Variants in EXOC6B observed in about 807,000 individuals in gnomAD.
EXOC6B encodes the protein SEC15 homolog B.
A neutral mutation model predicts 113.5 loss-of-function variants in EXOC6B; 54 were observed. The ratio of observed to expected loss-of-function variants is 0.48; its 90% CI spans 0.38 to 0.60. The LOEUF (loss-of-function observed/expected upper bound fraction) is 0.60, where lower values mean the gene tolerates loss of function less well. Among genes scored for constraint, EXOC6B ranks in the 20% least tolerant of loss-of-function variants. The probability of loss-of-function intolerance (pLI) is 0.00; values close to 1 mark genes in which losing one functional copy is unlikely to be tolerated. For synonymous variants in EXOC6B, 357 were observed against 339.0 expected, an observed-to-expected ratio of 1.05 and a Z score of -0.58; for missense variants, 797 against 977.5, an observed-to-expected ratio of 0.82 and a Z score of 2.46.
At chr2:72,215,977 G>C (rs1037928785) in intron 20 of EXOC6B, among the ~76,000 whole-genome samples, 1 of 151,934 alleles carries the variant, frequency 6.6e-6, no homozygotes, top group Non-Finnish European at 1.5e-5. Flanking sequence ...GTGGTGAATG[G>C]AATAAAAAAC....
intron 6 of EXOC6B, among the ~76,000 whole-genome samples, chr2:72,699,450 C>T (rs1245721657): frequency 6.6e-6 from 1 of 150,948 alleles, no homozygotes; most frequent in Non-Finnish European, 1.5e-5. Context: ...TGCATCCCAG[C>T]CTGGGCGACA....
At chr2:72,186,538 T>TAAA (rs35998544) in intron 20 of EXOC6B, among the ~76,000 whole-genome samples, 8 of 149,256 alleles carry the variant, frequency 5.4e-5, no homozygotes, top group African/African-American at 2.0e-4. Context: ...TTTTCACAAA[T>TAAA]AAAAAAAAAA....
At chr2:72,419,914 G>A (rs1296134585) in intron 18 of EXOC6B, among the ~76,000 whole-genome samples, 1 of 151,870 alleles carries the variant, frequency 6.6e-6, no homozygotes, top group African/African-American at 2.4e-5. Flanking sequence ...TTCCTTCTGG[G>A]GTACAACAAT....
chr2:72,772,859 C>T (rs1323224366), intron 1 of EXOC6B, among the ~76,000 whole-genome samples: 2 of 151,984 alleles, frequency 1.3e-5, no homozygotes, highest in African/African-American at 4.8e-5. Flanking sequence ...CAAACCAAAG[C>T]CAGAAGGATC....
chr2:72,478,984 T>TTA (rs1363559811), intron 17 of EXOC6B, among the ~76,000 whole-genome samples: 2 of 152,202 alleles, frequency 1.3e-5, no homozygotes, highest in African/African-American at 4.8e-5. Flanking sequence ...TTGAGAGTAA[T>TTA]TATAATTCCT....
intron 8 of EXOC6B, among the ~76,000 whole-genome samples, chr2:72,549,800 G>A (rs972752493): frequency 4.6e-5 from 7 of 152,110 alleles, no homozygotes; most frequent in African/African-American, 1.7e-4. Flanking sequence ...AAAACCCTGG[G>A]AACAATGAAG....
chr2:72,730,044 A>C (rs779749886), intron 5 of EXOC6B, among the ~76,000 whole-genome samples: 21 of 152,272 alleles, frequency 1.4e-4, no homozygotes, highest in Middle Eastern at 3.4e-3. Flanking sequence ...TCCCCATCAT[A>C]CTACAGGGCA....
chr2:72,216,631 G>A (rs950931390), intron 20 of EXOC6B, among the ~76,000 whole-genome samples: 11 of 152,076 alleles, frequency 7.2e-5, no homozygotes, highest in African/African-American at 2.7e-4. Context: ...TATTCCAATA[G>A]CAAAGACATG....
intron 20 of EXOC6B, among the ~76,000 whole-genome samples, chr2:72,249,218 A>C (rs1223542967): frequency 6.6e-6 from 1 of 152,226 alleles, no homozygotes; most frequent in African/African-American, 2.4e-5. Flanking sequence ...GTGAGCTAGG[A>C]TCATACCACT....
At chr2:72,614,375 G>A (rs1355488469) in intron 6 of EXOC6B, among the ~76,000 whole-genome samples, 1 of 152,130 alleles carries the variant, frequency 6.6e-6, no homozygotes, top group Non-Finnish European at 1.5e-5. Context: ...ATAAAGAGGG[G>A]AATTTCCTTA....
chr2:72,626,543 C>A (rs1279838858), intron 6 of EXOC6B, among the ~76,000 whole-genome samples: 1 of 152,112 alleles, frequency 6.6e-6, no homozygotes, highest in Non-Finnish European at 1.5e-5. Context: ...TCAACAGTAG[C>A]CGCTCCCTTT....
At chr2:72,254,159 C>G (rs1254972391) in intron 20 of EXOC6B, among the ~76,000 whole-genome samples, 1 of 143,124 alleles carries the variant, frequency 7.0e-6, no homozygotes. Flanking sequence ...GACTCTGTCT[C>G]AAAAAAAAAA....
chr2:72,384,765 C>T (rs921546818), intron 18 of EXOC6B, among the ~76,000 whole-genome samples: 1 of 151,608 alleles, frequency 6.6e-6, no homozygotes, highest in Non-Finnish European at 1.5e-5. Flanking sequence ...ATGTCACTTA[C>T]AACAACTATT....
chr2:72,316,807 G>A (rs1267056892), intron 20 of EXOC6B, among the ~76,000 whole-genome samples: 1 of 152,186 alleles, frequency 6.6e-6, no homozygotes, highest in African/African-American at 2.4e-5. Flanking sequence ...CATACAAAAT[G>A]TCAGGGACCC....
Position 72,570,834 on chromosome 2 carries a change from T to C in EXOC6B, c.846+4658A>G, listed in dbSNP as rs114409341. 5.9e-3 allele frequency among the ~76,000 whole-genome samples: 901 copies of C among 152,296 alleles called. 5 individuals carry two copies. The highest frequency in any genetic ancestry group is 9.5e-3 in the Non-Finnish European group (648 of 68,018). On this transcript the variant is annotated intron_variant, in intron 7 of 21. Transcript: ENST00000272427. ...GATGATGTTCATCAGTCCATGCAAA[T>C]ATACATTGTCAAAAATTAGATCAAC...
At chr2:72,182,830 A>G (rs944079530) in intron 21 of EXOC6B, 2 of 1,116,846 alleles carry the variant, frequency 1.8e-6, no homozygotes, top group African/African-American at 3.2e-5. Flanking sequence ...ATTAGTGTCA[A>G]TGAGGAAACC....
rs62148066 is a variant in EXOC6B, at chr2:72,718,727, G to A, written c.465-420C>T. 3.1e-3 allele frequency among the ~76,000 whole-genome samples: 469 copies of A among 152,184 alleles called. 2 individuals carry two copies. Among genetic ancestry groups the A allele is most frequent in the Non-Finnish European group, 5.2e-3 (355 of 68,006 alleles). ...ACAAAAATTAGCCAGGCCTGGTGGC[G>A]CAAGCCACCTCAGAAAGCTGAGGCA... On this transcript the variant is annotated intron_variant, in intron 5 of 21. Coordinates refer to ENST00000272427, the MANE Select transcript of EXOC6B (RefSeq NM_015189.3).
intron 2 of EXOC6B, among the ~76,000 whole-genome samples, chr2:72,736,001 T>A (rs890182199): frequency 6.6e-6 from 1 of 151,792 alleles, no homozygotes; most frequent in African/African-American, 2.4e-5. Context: ...CTGGCCAACA[T>A]GGTGAAACCC....
At chr2:72,223,357 T>C (rs1428868314) in intron 20 of EXOC6B, among the ~76,000 whole-genome samples, 2 of 152,218 alleles carry the variant, frequency 1.3e-5, no homozygotes, top group Non-Finnish European at 2.9e-5. Flanking sequence ...GATAAAAATC[T>C]GAGTTATCCC....
Sources: allele counts gnomAD v4.1 joint callset (sites outside exome capture counted in the v4.1 genomes callset), GRCh38; gene constraint gnomAD v4.1.1; transcripts MANE v1.5; gene names NCBI Gene and HGNC (gene_info 2026-07-23, HGNC 2026-07-21).